The following CPEB2 variants were observed in gnomAD, a reference collection of about 807,000 sequenced individuals.
CPEB2 encodes cytoplasmic polyadenylation element-binding protein 2.
A neutral mutation model predicts 93.6 loss-of-function variants in CPEB2; 56 were observed. The observed-to-expected ratio is 0.60, with a 90% confidence interval of 0.48 to 0.75. The LOEUF (loss-of-function observed/expected upper bound fraction) is 0.75, where lower values mean the gene tolerates loss of function less well. CPEB2 is among the 30% of genes least tolerant of loss of function. The pLI, the probability that CPEB2 is intolerant of heterozygous loss-of-function variation, is 0.00. For synonymous variants in CPEB2, 764 were observed against 586.3 expected, an observed-to-expected ratio of 1.30 and a Z score of -4.38; for missense variants, 1,579 against 1,395.1, an observed-to-expected ratio of 1.13 and a Z score of -2.10.
chr4:15,019,246 T>G (rs888199740), intron 4 of CPEB2, among the ~76,000 whole-genome samples: 44 of 151,696 alleles, frequency 2.9e-4, no homozygotes, highest in African/African-American at 1.1e-3. Context: ...AAGACTGATA[T>G]TTCTACAAAG....
intron 11 of CPEB2, 94 bp from the exon 12 acceptor site, chr4:15,066,059 G>C (rs1462179119): frequency 3.8e-6 from 4 of 1,055,164 alleles, no homozygotes; most frequent in Non-Finnish European, 5.7e-6. Context: ...TTTTAATGCT[G>C]GTCCTTTTTT....
At chr4:15,021,095 T>G (rs948800556) in intron 4 of CPEB2, among the ~76,000 whole-genome samples, 1 of 152,178 alleles carries the variant, frequency 6.6e-6, no homozygotes, top group African/African-American at 2.4e-5. Flanking sequence ...TGATGCCGAC[T>G]GGGTGTAACA....
Position 15,002,990 on chromosome 4 carries a change from C to CGCGGCCGCTTTCGGGGGCG in CPEB2, c.324_342dup (p.Thr115AlafsTer60). The CGCGGCCGCTTTCGGGGGCG allele has an allele frequency of 6.7e-7, 1 of 1,501,420 alleles. No individual in the cohort carries two copies. Among genetic ancestry groups the CGCGGCCGCTTTCGGGGGCG allele is most frequent in the Non-Finnish European group, 8.8e-7 (1 of 1,136,076 alleles). 93.0% of individuals were successfully genotyped at this position (1,501,420 alleles called of 1,614,324 possible). On this transcript the variant is annotated frameshift_variant, in exon 1 of 12. Transcript: ENST00000538197. LOFTEE classifies it high-confidence loss of function. ...CTTCTGGGGCTGACACAGCAGCCGG[C>CGCGGCCGCTTTCGGGGGCG]GCGGCCGCTTTCGGGGGCGGCGGCC...
chr4:15,061,149 G>T (rs1729154984), intron 10 of CPEB2, among the ~76,000 whole-genome samples: 1 of 152,118 alleles, frequency 6.6e-6, no homozygotes, highest in African/African-American at 2.4e-5. Context: ...ACAGTTGCAT[G>T]TACAAGTCTG....
Position 15,003,653 on chromosome 4 carries a change from ACCT to A in CPEB2, c.984_986del (p.Leu329del), listed in dbSNP as rs1204142519. The A allele has an allele frequency of 1.4e-6, 2 of 1,474,950 alleles. No individual in the cohort carries two copies. Among genetic ancestry groups the A allele is most frequent in the South Asian group, 1.3e-5 (1 of 78,854 alleles). The allele number at this position is 1,474,950 out of a possible 1,614,324, so 91.4% of individuals were successfully genotyped here. A position where few individuals can be genotyped will look rare whatever the true frequency, so the allele number is the denominator to read the frequency against. ...CACCCTCTGCTCAACAGTCCCAGTA[ACCT>A]CCTGCCCGGAGGTGCGCTTGGCGCG... is the stretch of plus-strand genomic sequence containing the variant. On this transcript the variant is annotated inframe_deletion, in exon 1 of 12. Transcript: ENST00000538197.
chr4:15,046,228 CT>C (rs954895249), intron 6 of CPEB2, among the ~76,000 whole-genome samples: 12 of 148,164 alleles, frequency 8.1e-5, no homozygotes, highest in South Asian at 4.3e-4. Context: ...CTGTGTTGGC[CT>C]TTTTTTTTTG....
chr4:15,003,160 CCGCAGGACTTCAGTAAGCGGCAG>C lies in CPEB2; in HGVS notation c.489_511del (p.Gln164AlafsTer156). The C allele has an allele frequency of 6.5e-7, 1 of 1,534,602 alleles. No homozygotes were observed. On this transcript the variant is annotated frameshift_variant, in exon 1 of 12. Transcript: ENST00000538197. LOFTEE classifies it high-confidence loss of function. The stretch of plus-strand genomic sequence containing the variant: ...CTGCTGCTGCTGCCGCACCTCCTCC[CCGCAGGACTTCAGTAAGCGGCAG>C]CAGCAGCAGCTGAGCAGCCAGAAGA...
chr4:15,023,857 T>C (rs1725118362), intron 4 of CPEB2, among the ~76,000 whole-genome samples: 1 of 152,008 alleles, frequency 6.6e-6, no homozygotes, highest in Admixed American at 6.6e-5. Flanking sequence ...TGACTTAATA[T>C]CCTTCAATAT....
At chr4:15,040,560 T>C in intron 6 of CPEB2, 73 bp downstream of exon 6, 1 of 1,311,550 alleles carries the variant, frequency 7.6e-7, no homozygotes, top group Non-Finnish European at 1.0e-6. Flanking sequence ...AATTAATTAC[T>C]CTAGATTTTT....
At chr4:15,006,455 GT>G (rs1208964863) in intron 1 of CPEB2, 1 of 150,716 alleles carries the variant, frequency 6.6e-6, no homozygotes, top group African/African-American at 2.4e-5. Flanking sequence ...AATTATTAGC[GT>G]TTTGATGGAT....
chr4:15,025,577 A>G (rs1258522782), intron 4 of CPEB2, among the ~76,000 whole-genome samples: 1 of 151,796 alleles, frequency 6.6e-6, no homozygotes, highest in Non-Finnish European at 1.5e-5. Context: ...GCAAATGAAC[A>G]TGGATGTGGG....
intron 4 of CPEB2, among the ~76,000 whole-genome samples, chr4:15,023,672 T>C (rs1358380984): frequency 6.6e-6 from 1 of 151,896 alleles, no homozygotes; most frequent in Non-Finnish European, 1.5e-5. Flanking sequence ...TCTTATATAA[T>C]GAAAAAATAG....
intron 6 of CPEB2, among the ~76,000 whole-genome samples, chr4:15,051,259 A>G (rs182274689): frequency 2.0e-5 from 3 of 152,214 alleles, no homozygotes; most frequent in South Asian, 2.1e-4. Flanking sequence ...GAATCCCTGT[A>G]TCTAGTTTAT....
chr4:15,042,601 A>T (rs977318627), intron 6 of CPEB2, among the ~76,000 whole-genome samples: 1 of 152,238 alleles, frequency 6.6e-6, no homozygotes, highest in African/African-American at 2.4e-5. Context: ...TTAGTAAATT[A>T]TGAACACTAG....
At chr4:15,040,393 C>T (rs1249637201) in intron 5 of CPEB2, 71 bp from the exon 6 acceptor site, 1 of 1,425,394 alleles carries the variant, frequency 7.0e-7, no homozygotes, top group Non-Finnish European at 9.5e-7. Context: ...CTTTTCGTAT[C>T]AGAAATATTT....
chr4:15,009,282 A>G (rs1164780691), intron 3 of CPEB2, among the ~76,000 whole-genome samples: 1 of 152,242 alleles, frequency 6.6e-6, no homozygotes, highest in Non-Finnish European at 1.5e-5. Context: ...ACAAGTAAGG[A>G]CATAAACAGA....
intron 6 of CPEB2, 25 bp from the exon 7 acceptor site, chr4:15,052,389 A>G (rs764019991): frequency 7.3e-7 from 1 of 1,378,082 alleles, no homozygotes; most frequent in South Asian, 1.8e-5. Flanking sequence ...TCTGAGATTC[A>G]AGTTGTATTT....
chr4:15,030,114 G>A (rs1725934203), intron 4 of CPEB2, among the ~76,000 whole-genome samples: 1 of 151,896 alleles, frequency 6.6e-6, no homozygotes, highest in Non-Finnish European at 1.5e-5. Context: ...CTGCACCACA[G>A]GTCTTTTAAA....
At chr4:15,051,197 A>G (rs1459720427) in intron 6 of CPEB2, among the ~76,000 whole-genome samples, 1 of 152,074 alleles carries the variant, frequency 6.6e-6, no homozygotes, top group African/African-American at 2.4e-5. Context: ...CAACTACCTT[A>G]TCCATATTGA....
Sources: gnomAD v4.1 joint callset for allele counts (sites outside exome capture counted in the v4.1 genomes callset) on GRCh38, gnomAD v4.1.1 for gene constraint, MANE v1.5 for transcripts, NCBI Gene and HGNC (gene_info 2026-07-23, HGNC 2026-07-21) for gene names.